PTPRQ: variants seen among roughly 807,000 people sequenced by gnomAD.
PTPRQ encodes phosphatidylinositol phosphatase PTPRQ.
A neutral mutation model predicts 246.0 loss-of-function variants in PTPRQ; 199 were observed. That is an observed-to-expected ratio of 0.81 (90% CI 0.72 to 0.91). The LOEUF is 0.91. Among genes scored for constraint, PTPRQ ranks in the 40% least tolerant of loss-of-function variants. The pLI is 0.00. For synonymous variants in PTPRQ, 869 were observed against 853.2 expected, an observed-to-expected ratio of 1.02 and a Z score of -0.32; for missense variants, 2,624 against 2,528.4, an observed-to-expected ratio of 1.04 and a Z score of -0.81.
intron 3 of PTPRQ, among the ~76,000 whole-genome samples, chr12:80,448,734 A>G (rs1264396575): frequency 6.7e-6 from 1 of 149,032 alleles, no homozygotes; most frequent in Non-Finnish European, 1.5e-5. Flanking sequence ...ATAGTATTCC[A>G]TGGTGTATAT....
At chr12:80,574,569 A>C (rs1897233802) in intron 25 of PTPRQ, among the ~76,000 whole-genome samples, 1 of 151,906 alleles carries the variant, frequency 6.6e-6, no homozygotes, top group South Asian at 2.1e-4. Flanking sequence ...ACTTTTAGCT[A>C]TGTTTCTTTG....
intron 31 of PTPRQ, 78 bp from the exon 32 acceptor site, chr12:80,620,076 A>G (rs1465360835): frequency 6.9e-7 from 1 of 1,445,550 alleles, no homozygotes; most frequent in Non-Finnish European, 9.1e-7. Flanking sequence ...TTATACAATT[A>G]TAAAAACACT....
chr12:80,526,813 GT>G (rs557270630), intron 17 of PTPRQ, among the ~76,000 whole-genome samples: 14 of 151,864 alleles, frequency 9.2e-5, no homozygotes, highest in Admixed American at 6.6e-4. Flanking sequence ...ATGAGCTTTT[GT>G]TTTTTTAAAG....
rs761561310 is a variant in PTPRQ, at chr12:80,496,573, A to C, written c.2272+42A>C. 2.1e-5 allele frequency: 31 copies of C among 1,511,774 alleles called. 1 individual carries two copies. In the Middle Eastern group the frequency reaches 6.8e-4, roughly 33 times the overall value. The allele number at this position is 1,511,774 out of a possible 1,614,324, so 93.6% of individuals were successfully genotyped here. A position where few individuals can be genotyped will look rare whatever the true frequency, so the allele number is the denominator to read the frequency against. ...TTTGTTTGTTTAATAATACACAGTG[A>C]TATAGTAAGCAAAGCTGATAATCGC... On this transcript the variant is annotated intron_variant, in intron 14 of 44. Coordinates refer to ENST00000644991, the MANE Select transcript of PTPRQ (RefSeq NM_001145026.2).
intron 35 of PTPRQ, among the ~76,000 whole-genome samples, chr12:80,642,919 TAA>T (rs902888826): frequency 1.3e-5 from 1 of 77,198 alleles, no homozygotes; most frequent in East Asian, 4.2e-4. Flanking sequence ...GACTCCGTCT[TAA>T]AAAAAAAAAA....
chr12:80,635,087 T>C lies in PTPRQ; in HGVS notation c.5915+14T>C. 6.5e-7 allele frequency: 1 copy of C among 1,549,090 alleles called. No homozygotes were observed. The highest frequency in any genetic ancestry group is 8.7e-7 in the Non-Finnish European group (1 of 1,145,992). On this transcript the variant is annotated intron_variant, in intron 35 of 44. Coordinates refer to ENST00000644991, the MANE Select transcript of PTPRQ (RefSeq NM_001145026.2). ...GAGATTAACGCGGTGAGCACACTCC[T>C]CTGGGTGAACTGTGGTCCAGAGGGC... is the stretch of plus-strand genomic sequence containing the variant.
intron 39 of PTPRQ, among the ~76,000 whole-genome samples, chr12:80,660,385 G>A (rs1900589178): frequency 2.6e-5 from 4 of 151,980 alleles, no homozygotes; most frequent in Admixed American, 1.3e-4. Flanking sequence ...GGCCATTCTC[G>A]AGAATGGTGC....
In PTPRQ at chr12:80,613,638, T is replaced by C; in HGVS notation, c.4965T>C (p.Asp1655=). ...PNNMTFQKIP[D]EVTKFQLTFL... ...ACATGACATTTCAGAAGATACCAGA[T>C]GAAGTTACAAAATTTCAATTAACGT... Residue 1655 remains aspartate, a synonymous_variant, in exon 29 of 45, where the codon GAT becomes GAC. Coordinates refer to ENST00000644991, the MANE Select transcript of PTPRQ (RefSeq NM_001145026.2). The C allele has an allele frequency of 1.3e-6, 2 of 1,545,566 alleles. No homozygotes were observed. The highest frequency in any genetic ancestry group is 8.7e-7 in the Non-Finnish European group (1 of 1,142,892).
chr12:80,679,281 C>G lies in PTPRQ; in HGVS notation c.*258C>G. ...AGACATCCCATATGTTTTTGAAGTC[C>G]TCCATATTTTGGAATAAGCCAAATA... On this transcript the variant is annotated 3_prime_UTR_variant, in exon 45 of 45. Coordinates refer to ENST00000644991, the MANE Select transcript of PTPRQ (RefSeq NM_001145026.2). The G allele has an allele frequency of 3.1e-6, 1 of 321,672 alleles. No individual in the cohort carries two copies. The highest frequency in any genetic ancestry group is 5.5e-6 in the Non-Finnish European group (1 of 181,642). 19.9% of individuals were successfully genotyped at this position (321,672 alleles called of 1,614,324 possible).
chr12:80,497,252 C>T (rs956205241), intron 14 of PTPRQ, among the ~76,000 whole-genome samples: 8 of 151,798 alleles, frequency 5.3e-5, no homozygotes, highest in Non-Finnish European at 1.2e-4. Flanking sequence ...TTTCCTGCAA[C>T]TAGATGGTCC....
At chr12:80,487,394 A>T (rs1049873144) in intron 9 of PTPRQ, among the ~76,000 whole-genome samples, 1 of 152,100 alleles carries the variant, frequency 6.6e-6, no homozygotes, top group Non-Finnish European at 1.5e-5. Context: ...GTGTGTCAAG[A>T]ATAAGGCCTA....
intron 33 of PTPRQ, among the ~76,000 whole-genome samples, chr12:80,625,660 G>T (rs760870185): frequency 5.9e-5 from 9 of 152,118 alleles, no homozygotes; most frequent in African/African-American, 2.2e-4. Flanking sequence ...GAACTTCACT[G>T]GATGGATAAG....
intron 35 of PTPRQ, among the ~76,000 whole-genome samples, chr12:80,645,445 T>A (rs1900038260): frequency 6.6e-6 from 1 of 151,966 alleles, no homozygotes; most frequent in African/African-American, 2.4e-5. Flanking sequence ...AATATTCATA[T>A]TTTGCTTTCT....
intron 39 of PTPRQ, among the ~76,000 whole-genome samples, chr12:80,662,774 A>G (rs973244354): frequency 2.0e-5 from 3 of 152,010 alleles, no homozygotes; most frequent in Middle Eastern, 3.2e-3. Flanking sequence ...GACCTGTGGA[A>G]TGAAACTTAC....
chr12:80,635,138 T>C, intron 35 of PTPRQ, 65 bp downstream of exon 35: 1 of 1,503,836 alleles, frequency 6.6e-7, no homozygotes, highest in African/African-American at 1.4e-5. Context: ...TATTCTGACC[T>C]ATGCTTGTTG....
intron 6 of PTPRQ, among the ~76,000 whole-genome samples, chr12:80,467,642 T>C (rs10862134): frequency 0.45 from 68,757 of 151,122 alleles, 18,512 homozygotes; most frequent in South Asian, 0.63. Flanking sequence ...ATTAAGAAAA[T>C]GTGGCACATA....
intron 25 of PTPRQ, among the ~76,000 whole-genome samples, chr12:80,555,420 C>T (rs1592648723): frequency 6.6e-6 from 1 of 151,986 alleles, no homozygotes; most frequent in East Asian, 1.9e-4. Context: ...TCTTATATAC[C>T]ATTTAATAGA....
chr12:80,629,185 AAG>A (rs200653252), intron 33 of PTPRQ, among the ~76,000 whole-genome samples: 88 of 147,632 alleles, frequency 6.0e-4, no homozygotes, highest in Non-Finnish European at 1.0e-3. Flanking sequence ...GAGAGAGAGA[AAG>A]AGAGAGAGAG....
intron 20 of PTPRQ, among the ~76,000 whole-genome samples, chr12:80,540,886 C>T (rs1896130478): frequency 6.6e-6 from 1 of 151,966 alleles, no homozygotes; most frequent in Non-Finnish European, 1.5e-5. Context: ...TTATAATTTC[C>T]ACACCATGGA....
Sources: allele counts gnomAD v4.1 joint callset (sites outside exome capture counted in the v4.1 genomes callset), GRCh38; gene constraint gnomAD v4.1.1; transcripts MANE v1.5; gene names NCBI Gene and HGNC (gene_info 2026-07-23, HGNC 2026-07-21).